Variants in WASHC4 observed in about 807,000 individuals in gnomAD.
WASHC4 encodes the protein WASH complex subunit 7.
In WASHC4, 86 loss-of-function variants were observed where a neutral mutation model predicts 166.6. The observed-to-expected ratio is 0.52, with a 90% confidence interval of 0.43 to 0.62. The LOEUF (loss-of-function observed/expected upper bound fraction) is 0.62. Ranked by LOEUF, WASHC4 falls within the 20% of genes least tolerant of loss-of-function variation. WASHC4 has a pLI of 0.00. For synonymous variants in WASHC4, 446 were observed against 451.6 expected (o/e 0.99, Z 0.16); for missense variants, 1,262 against 1,382.4 (o/e 0.91, Z 1.38).
At position 105,169,010 on chromosome 12, in the gene WASHC4, T is replaced by C. The variant is rs1076; in HGVS notation, c.*2079T>C. On this transcript the variant is annotated 3_prime_UTR_variant, in exon 33 of 33. Transcript: ENST00000332180. ...GGACTCACCATAACATTGTCAGTTC[T>C]AATGAAATTTTGTAAAAGATGGCAA... 17,843 of 152,626 alleles carry C rather than the reference T, an allele frequency of 0.12. 1,156 individuals carry two copies. Among genetic ancestry groups the C allele is most frequent in the East Asian group, 0.23 (1,175 of 5,184 alleles). The allele number at this position is 152,626 out of a possible 1,614,324, so 9.5% of individuals were successfully genotyped here. A position where few individuals can be genotyped will look rare whatever the true frequency, so the allele number is the denominator to read the frequency against.
Position 105,144,244 on chromosome 12 carries a change from A to G in WASHC4, c.2011-43A>G, listed in dbSNP as rs767076706. ...CATGTAGGGAAACAATACAATTGCA[A>G]TATCATTTTGAAAAATTAAAGTATC... On this transcript the variant is annotated intron_variant, in intron 20 of 32. Coordinates refer to ENST00000332180, the MANE Select transcript of WASHC4 (RefSeq NM_015275.3). The G allele has an allele frequency of 1.7e-5, 26 of 1,513,144 alleles. 1 individual carries two copies. The East Asian group carries it at 1.8e-4, about 11-fold the overall frequency. The allele number at this position is 1,513,144 out of a possible 1,614,324, so 93.7% of individuals were successfully genotyped here. A position where few individuals can be genotyped will look rare whatever the true frequency, so the allele number is the denominator to read the frequency against.
chr12:105,111,118 A>G lies in WASHC4; in HGVS notation c.62-7A>G, dbSNP rs1879644732. The G allele has an allele frequency of 6.3e-7, 1 of 1,595,744 alleles. No homozygotes were observed. The highest frequency in any genetic ancestry group is 8.6e-7 in the Non-Finnish European group (1 of 1,164,938). Reference sequence around the variant, plus strand: ...TTATCACATACTGTTTTAAAATTTAAACTTAGAAATTCATGCCGAAGTCCA... The same window carrying G: ...TTATCACATACTGTTTTAAAATTTAGACTTAGAAATTCATGCCGAAGTCCA... On this transcript the variant is annotated splice_region_variant and splice_polypyrimidine_tract_variant and intron_variant, in intron 1 of 32. Coordinates refer to ENST00000332180, the MANE Select transcript of WASHC4 (RefSeq NM_015275.3).
At chr12:105,110,078 A>C in intron 1 of WASHC4, among the ~76,000 whole-genome samples, 1 of 152,190 alleles carries the variant, frequency 6.6e-6, no homozygotes, top group East Asian at 1.9e-4. Context: ...TGGTCTGTGA[A>C]TCATATCTAG....
In WASHC4 at chr12:105,116,234, G is replaced by A. The variant is rs181015753; in HGVS notation, c.435+506G>A. 2.6e-5 allele frequency among the ~76,000 whole-genome samples: 4 copies of A among 152,188 alleles called. No homozygotes were observed. In the East Asian group the frequency reaches 7.7e-4, roughly 29 times the overall value. ...TATTTCCTCCTCTGTGATAAAAATA[G>A]TGCATGTACGATGTGAAAAAGCAAA... On this transcript the variant is annotated intron_variant, in intron 6 of 32. Coordinates refer to ENST00000332180, the MANE Select transcript of WASHC4 (RefSeq NM_015275.3).
intron 13 of WASHC4, 93 bp downstream of exon 13, chr12:105,127,382 A>G (rs1881386477): frequency 1.8e-5 from 17 of 943,652 alleles, no homozygotes; most frequent in South Asian, 1.4e-4. Context: ...CATTTGAATT[A>G]TAAGATTAAA....
At chr12:105,132,372 A>G (rs531094988) in intron 13 of WASHC4, among the ~76,000 whole-genome samples, 1 of 152,298 alleles carries the variant, frequency 6.6e-6, no homozygotes, top group South Asian at 2.1e-4. Flanking sequence ...GGGTTTCACC[A>G]TGTTGGCGAG....
chr12:105,144,109 T>C (rs1052112063), intron 20 of WASHC4, among the ~76,000 whole-genome samples, 178 bp from the exon 21 acceptor site: 12 of 152,008 alleles, frequency 7.9e-5, no homozygotes, highest in Non-Finnish European at 1.5e-4. Context: ...TCATTAGTTT[T>C]AGATTTTCTT....
chr12:105,149,417 G>C (rs1204624374), intron 24 of WASHC4, 198 bp from the exon 25 acceptor site: 27 of 1,091,120 alleles, frequency 2.5e-5, no homozygotes, highest in Non-Finnish European at 2.9e-5. Flanking sequence ...TGTAAGAGGA[G>C]CTTATAGAAA....
rs1457655294 is a variant in WASHC4, at chr12:105,167,324, A to T, written c.*393A>T. 1.0e-5 allele frequency: 2 copies of T among 192,674 alleles called. No individual in the cohort carries two copies. The highest frequency in any genetic ancestry group is 2.2e-5 in the Non-Finnish European group (2 of 91,334). The allele number at this position is 192,674 out of a possible 1,614,324, so 11.9% of individuals were successfully genotyped here. A position where few individuals can be genotyped will look rare whatever the true frequency, so the allele number is the denominator to read the frequency against. ...ATGGGAAATTCAATGCATATACTAT[A>T]TACAGCCAGTAAATACATGCTTAAC... On this transcript the variant is annotated 3_prime_UTR_variant, in exon 33 of 33. Transcript: ENST00000332180.
intron 8 of WASHC4, 84 bp downstream of exon 8, chr12:105,120,681 G>A (rs1592851757): frequency 1.1e-6 from 1 of 948,166 alleles, no homozygotes; most frequent in Non-Finnish European, 1.7e-6. Context: ...GAGTATGACA[G>A]TCATAGGAAC....
At chr12:105,109,118 A>G (rs1179683470) in intron 1 of WASHC4, among the ~76,000 whole-genome samples, 1 of 152,232 alleles carries the variant, frequency 6.6e-6, no homozygotes, top group Non-Finnish European at 1.5e-5. Context: ...CCTGGGTGAT[A>G]ATAAGGTATT....
chr12:105,139,866 A>G (rs946237491), intron 15 of WASHC4, among the ~76,000 whole-genome samples: 73 of 150,788 alleles, frequency 4.8e-4, no homozygotes, highest in African/African-American at 1.7e-3. Flanking sequence ...AGTTGAATTT[A>G]TCAGTTCTAT....
At chr12:105,107,979 T>G (rs1879241538) in intron 1 of WASHC4, 118 bp downstream of exon 1, 4 of 784,024 alleles carry the variant, frequency 5.1e-6, no homozygotes, top group African/African-American at 1.7e-5. Flanking sequence ...GCGGGACACT[T>G]CAGAGCCCTT....
chr12:105,140,784 A>C lies in WASHC4; in HGVS notation c.1561-115A>C, dbSNP rs547649394. The C allele has an allele frequency of 4.0e-5, 41 of 1,019,418 alleles. 1 individual carries two copies. The African/African-American group carries it at 5.6e-4, about 14-fold the overall frequency. 63.1% of individuals were successfully genotyped at this position (1,019,418 alleles called of 1,614,324 possible). A position where few individuals can be genotyped will look rare whatever the true frequency, so the allele number is the denominator to read the frequency against. Reference sequence around the variant, plus strand: ...AAATGTCAGAAGCTTAAATGGGGAAAGTATTTGTGTATGCTCTCTTAAATT... The same window carrying C: ...AAATGTCAGAAGCTTAAATGGGGAACGTATTTGTGTATGCTCTCTTAAATT... On this transcript the variant is annotated intron_variant, in intron 16 of 32. Transcript: ENST00000332180.
intron 26 of WASHC4, among the ~76,000 whole-genome samples, chr12:105,152,926 A>G (rs578107557): frequency 6.6e-6 from 1 of 152,340 alleles, no homozygotes; most frequent in South Asian, 2.1e-4. Flanking sequence ...GTCTTCTGAT[A>G]TGTAGTACTT....
intron 13 of WASHC4, among the ~76,000 whole-genome samples, chr12:105,132,271 A>T (rs1476933197): frequency 6.6e-6 from 1 of 152,142 alleles, no homozygotes; most frequent in Non-Finnish European, 1.5e-5. Flanking sequence ...TCCCGGGTTT[A>T]AGCAATTCTC....
intron 13 of WASHC4, among the ~76,000 whole-genome samples, chr12:105,129,908 A>G (rs746710025): frequency 3.3e-5 from 5 of 152,250 alleles, no homozygotes; most frequent in Non-Finnish European, 5.9e-5. Context: ...TCCATAAAGC[A>G]TGTAACAGCC....
intron 7 of WASHC4, among the ~76,000 whole-genome samples, chr12:105,120,179 T>C (rs1287288292): frequency 1.3e-5 from 2 of 152,246 alleles, no homozygotes; most frequent in Non-Finnish European, 2.9e-5. Context: ...TAGAAAGATA[T>C]GAATACCACT....
chr12:105,164,348 A>G (rs568627356), intron 31 of WASHC4, 41 bp downstream of exon 31: 4 of 1,530,652 alleles, frequency 2.6e-6, no homozygotes, highest in Non-Finnish European at 2.7e-6. Context: ...TTGACTTACC[A>G]TTTGATATCC....
Sources: allele counts gnomAD v4.1 joint callset (sites outside exome capture counted in the v4.1 genomes callset), GRCh38; gene constraint gnomAD v4.1.1; transcripts MANE v1.5; gene names NCBI Gene and HGNC (gene_info 2026-07-23, HGNC 2026-07-21).